NAV2: variants seen among roughly 807,000 people sequenced by gnomAD.
NAV2 encodes the protein neuron navigator 2.
NAV2 carries 54 observed loss-of-function variants against 223.2 expected under a neutral mutation model. That is an observed-to-expected ratio of 0.24 (90% confidence interval 0.19 to 0.30). NAV2 has a LOEUF of 0.30. Among genes scored for constraint, NAV2 ranks in the 10% least tolerant of loss-of-function variants. NAV2 has a pLI of 1.00. For synonymous variants in NAV2, 1,279 were observed against 1,239.3 expected, an observed-to-expected ratio of 1.03 and a Z score of -0.67; for missense variants, 2,806 against 3,147.5, an observed-to-expected ratio of 0.89 and a Z score of 2.60.
chr11:20,102,261 G>A (rs2061693165), intron 32 of NAV2, among the ~76,000 whole-genome samples: 1 of 152,140 alleles, frequency 6.6e-6, no homozygotes, highest in Non-Finnish European at 1.5e-5. Flanking sequence ...TTTTTCTACT[G>A]CTAACAAGAC....
rs77619170 is a variant in NAV2, at chr11:19,569,583, A to G, written c.75+218556A>G. Among the ~76,000 whole-genome samples the G allele has an allele frequency of 5.3e-5, 8 of 151,914 alleles. 1 individual carries two copies. The East Asian group carries it at 1.5e-3, about 29-fold the overall frequency. ...GGCAGCTGTTTCTCTCTCTCTCTCT[A>G]TTCTCTGCTGGCCTACTTGAAAAAC... is the stretch of plus-strand genomic sequence containing the variant. On this transcript the variant is annotated intron_variant, in intron 1 of 37. Coordinates refer to the NAV2 transcript ENST00000360655.
In NAV2 at chr11:19,587,039, C is replaced by T. The variant is rs531622479; in HGVS notation, c.75+236012C>T. Among the ~76,000 whole-genome samples, 12 of 152,336 alleles carry T rather than the reference C, an allele frequency of 7.9e-5. No individual in the cohort carries two copies. In the East Asian group the frequency reaches 1.2e-3, roughly 15 times the overall value. Reference sequence around the variant, plus strand: ...GGTGGGCTCCACCCAGTTCGAGCTTCACGGCCGCTTTGTTTACCTACTCAA... The same window carrying T: ...GGTGGGCTCCACCCAGTTCGAGCTTTACGGCCGCTTTGTTTACCTACTCAA... On this transcript the variant is annotated intron_variant, in intron 1 of 37. Transcript: ENST00000360655.
chr11:19,440,859 T>A (rs998011552), intron 1 of NAV2, among the ~76,000 whole-genome samples: 3 of 152,222 alleles, frequency 2.0e-5, no homozygotes, highest in African/African-American at 7.2e-5. Flanking sequence ...GATAAACATC[T>A]TGAAACACCT....
At chr11:20,029,014 A>C (rs543296603) in intron 11 of NAV2, among the ~76,000 whole-genome samples, 11 of 152,354 alleles carry the variant, frequency 7.2e-5, no homozygotes, top group South Asian at 2.1e-4. Context: ...GGCTACCTAA[A>C]AATAATCTGA....
chr11:19,544,053 A>T (rs1022250056), intron 1 of NAV2, among the ~76,000 whole-genome samples: 2 of 152,244 alleles, frequency 1.3e-5, no homozygotes. Flanking sequence ...AAATAATATT[A>T]TTGAGCATCT....
chr11:20,074,641 G>A (rs982997624), intron 22 of NAV2, among the ~76,000 whole-genome samples: 10 of 151,996 alleles, frequency 6.6e-5, no homozygotes, highest in African/African-American at 1.9e-4. Context: ...TATATATTTA[G>A]GATAGTGAGC....
intron 1 of NAV2, among the ~76,000 whole-genome samples, chr11:19,356,276 G>C (rs568368099): frequency 1.3e-4 from 20 of 152,320 alleles, no homozygotes; most frequent in South Asian, 6.2e-4. Context: ...ATAGGGTCAG[G>C]GGGGAGGATG....
chr11:19,920,481 G>T lies in NAV2; in HGVS notation c.932-12695G>T, dbSNP rs542630018. ...TTTTTGTATTTTTAGTCAGGACGGGGTTTCACCATGTTAGCCAGGATGGTC... is the reference window on the plus strand; with the variant it reads ...TTTTTGTATTTTTAGTCAGGACGGGTTTTCACCATGTTAGCCAGGATGGTC... On this transcript the variant is annotated intron_variant, in intron 6 of 37. Coordinates refer to ENST00000349880, the MANE Select transcript of NAV2 (RefSeq NM_145117.5). Among the ~76,000 whole-genome samples the T allele has an allele frequency of 1.1e-4, 17 of 152,106 alleles. No individual in the cohort carries two copies. The South Asian group carries it at 3.3e-3, about 30-fold the overall frequency.
At chr11:19,574,874 C>T (rs1490471235) in intron 1 of NAV2, among the ~76,000 whole-genome samples, 1 of 152,204 alleles carries the variant, frequency 6.6e-6, no homozygotes, top group Non-Finnish European at 1.5e-5. Context: ...AAGGAAACAA[C>T]ATTTGAAGCA....
chr11:20,104,009 A>G (rs1385650393), intron 34 of NAV2, among the ~76,000 whole-genome samples: 4 of 152,172 alleles, frequency 2.6e-5, no homozygotes, highest in Non-Finnish European at 5.9e-5. Flanking sequence ...TCTGCCTCTG[A>G]GTCTTGCTGT....
rs537202989 is a variant in NAV2 at position 19,408,194 on chromosome 11, T to C, written c.75+57167T>C. 1.5e-3 allele frequency among the ~76,000 whole-genome samples: 234 copies of C among 152,274 alleles called. 1 individual carries two copies. Among genetic ancestry groups the C allele is most frequent in the South Asian group, 8.7e-3 (42 of 4,822 alleles). On this transcript the variant is annotated intron_variant, in intron 1 of 37. Transcript: ENST00000360655. ...TGGGGATGCATCCTCTTTCTAATGGTGGATTTGTGTGGACATCCAATACAC... is the reference window on the plus strand; with the variant it reads ...TGGGGATGCATCCTCTTTCTAATGGCGGATTTGTGTGGACATCCAATACAC...
intron 6 of NAV2, among the ~76,000 whole-genome samples, chr11:19,908,876 A>G (rs1475790865): frequency 5.3e-5 from 8 of 152,198 alleles, no homozygotes; most frequent in Admixed American, 5.2e-4. Context: ...GGAGTAGAGG[A>G]GGGATGAAGA....
intron 1 of NAV2, among the ~76,000 whole-genome samples, chr11:19,509,240 G>C (rs899259472): frequency 1.3e-5 from 2 of 152,108 alleles, no homozygotes; most frequent in Admixed American, 6.6e-5. Flanking sequence ...TCCTTTGGAG[G>C]TTTCGTCCCC....
At chr11:19,851,362 C>G (rs2152976809) in intron 3 of NAV2, among the ~76,000 whole-genome samples, 1 of 152,280 alleles carries the variant, frequency 6.6e-6, no homozygotes, top group Admixed American at 6.5e-5. Context: ...TAACCCTAGC[C>G]CCTCATCTAG....
intron 1 of NAV2, among the ~76,000 whole-genome samples, chr11:19,572,639 G>A (rs935400995): frequency 6.6e-6 from 1 of 152,146 alleles, no homozygotes; most frequent in Non-Finnish European, 1.5e-5. Context: ...GTTACATGGT[G>A]GTCAGCACAT....
chr11:19,773,872 C>A (rs937745253), intron 1 of NAV2, among the ~76,000 whole-genome samples: 1 of 152,146 alleles, frequency 6.6e-6, no homozygotes, highest in African/African-American at 2.4e-5. Flanking sequence ...CAGTCTCTAC[C>A]TTTTTAAAGC....
chr11:20,002,222 G>A (rs986997864), intron 11 of NAV2, among the ~76,000 whole-genome samples: 13 of 152,264 alleles, frequency 8.5e-5, no homozygotes, highest in African/African-American at 2.6e-4. Context: ...ATCGCATTGG[G>A]GGTTAGATTT....
intron 1 of NAV2, among the ~76,000 whole-genome samples, chr11:19,821,858 A>G (rs1326284826): frequency 1.3e-5 from 2 of 152,180 alleles, no homozygotes; most frequent in African/African-American, 4.8e-5. Context: ...GCACTGCTGT[A>G]GCACTTGACC....
At chr11:19,684,150 C>T (rs1029966621) in intron 1 of NAV2, among the ~76,000 whole-genome samples, 2 of 152,136 alleles carry the variant, frequency 1.3e-5, no homozygotes, top group African/African-American at 4.8e-5. Context: ...GCTCCATTTT[C>T]TTCAAAGGGT....
Sources: allele counts gnomAD v4.1 joint callset (sites outside exome capture counted in the v4.1 genomes callset), GRCh38; gene constraint gnomAD v4.1.1; transcripts MANE v1.5; gene names NCBI Gene and HGNC (gene_info 2026-07-23, HGNC 2026-07-21).